Variants in AEBP1 observed in about 807,000 individuals in gnomAD.
AEBP1 encodes the protein adipocyte enhancer-binding protein 1.
Under a neutral mutation model 116.5 loss-of-function variants are expected in AEBP1, and 69 were observed. The ratio of observed to expected loss-of-function variants is 0.59; its 90% CI spans 0.49 to 0.72. AEBP1 has a LOEUF of 0.72. Among genes scored for constraint, AEBP1 ranks in the 30% least tolerant of loss-of-function variants. AEBP1 has a pLI of 0.00. For synonymous variants in AEBP1, 627 were observed against 627.3 expected (o/e 1.00, Z 0.01); for missense variants, 1,444 against 1,557.5 (o/e 0.93, Z 1.23).
intron 1 of AEBP1, chr7:44,106,220 A>T (rs2096222705): frequency 1.9e-6 from 1 of 523,586 alleles, no homozygotes; most frequent in Non-Finnish European, 3.7e-6. Context: ...TGCCCAGAAC[A>T]GAATAGTGGA....
In AEBP1 at chr7:44,112,352, AG is replaced by A; in HGVS notation, c.2217+34del. 1 of 1,520,856 alleles carries A rather than the reference AG, an allele frequency of 6.6e-7. No individual in the cohort carries two copies. The highest frequency in any genetic ancestry group is 8.8e-7 in the Non-Finnish European group (1 of 1,133,844). The allele number at this position is 1,520,856 out of a possible 1,614,324, so 94.2% of individuals were successfully genotyped here. On this transcript the variant is annotated intron_variant, in intron 17 of 20. Transcript: ENST00000223357. The surrounding 1 kb of genome is among the most constrained non-coding windows in gnomAD (Gnocchi z 6.6). Reference sequence around the variant, plus strand: ...GCTACAGCCTGGCTGAAAGGGCAGGAGGGAGCAGCTGGACCCTGGGGTCCTG... The same window carrying A: ...GCTACAGCCTGGCTGAAAGGGCAGGAGGAGCAGCTGGACCCTGGGGTCCTG...
Position 44,112,924 on chromosome 7 carries a change from G to C in AEBP1, c.2569+15G>C, listed in dbSNP as rs767122290. The C allele has an allele frequency of 3.7e-6, 6 of 1,601,730 alleles. No homozygotes were observed. In the South Asian group the frequency reaches 6.6e-5, roughly 18 times the overall value. ...CCGGACCGGGAGTGAGTCAGCCTGG[G>C]AGGGGCTGTGGGCGGGGCCTGGTCC... On this transcript the variant is annotated intron_variant, in intron 18 of 20. Transcript: ENST00000223357. The surrounding 1 kb of genome is among the most constrained non-coding windows in gnomAD (Gnocchi z 6.6).
rs2096229683 is a variant in AEBP1 at position 44,111,790 on chromosome 7, G to A, written c.1841-64G>A. On this transcript the variant is annotated intron_variant, in intron 15 of 20. Transcript: ENST00000223357. This position sits in a 1 kb window ranked among gnomAD's most constrained non-coding sequence, Gnocchi z 4.7. ...ACCCTCGGGTATGAGGTGGGTCTGG[G>A]TCCTTCCTCAGCTGCCCTGGGCCTC... is the stretch of plus-strand genomic sequence containing the variant. 1.9e-6 allele frequency: 3 copies of A among 1,561,942 alleles called. No individual in the cohort carries two copies. The highest frequency in any genetic ancestry group is 2.7e-5 in the African/African-American group (2 of 73,796).
chr7:44,114,519 G>A lies in AEBP1; in HGVS notation c.*258G>A, dbSNP rs1159347286. 4 of 619,232 alleles carry A rather than the reference G, an allele frequency of 6.5e-6. 1 individual carries two copies. The highest frequency in any genetic ancestry group is 5.9e-5 in the Admixed American group (2 of 33,886). The allele number at this position is 619,232 out of a possible 1,614,324, so 38.4% of individuals were successfully genotyped here. On this transcript the variant is annotated 3_prime_UTR_variant, in exon 21 of 21. Transcript: ENST00000223357. ...GCTGCAGTGTTGGAGTAGGGGCAGA[G>A]GGAGGGAGCCAAGGTCACTCCAATA...
chr7:44,110,323 C>T lies in AEBP1; in HGVS notation c.1377C>T (p.Thr459=). Residue 459 remains threonine, a synonymous_variant, in exon 11 of 21, where the codon ACC becomes ACT. Transcript: ENST00000223357. ...RRTTRFTGVI[T]QGRDSSIHDD... ...CTACCCGGTTCACAGGCGTCATCAC[C>T]CAGGGCAGAGACTCCAGCATCCAGT... The T allele has an allele frequency of 6.2e-7, 1 of 1,613,680 alleles. No homozygotes were observed.
At position 44,114,154 on chromosome 7, in the gene AEBP1, G is replaced by A. The variant is rs988846112; in HGVS notation, c.3370G>A (p.Glu1124Lys). 39 of 1,614,096 alleles carry A rather than the reference G, an allele frequency of 2.4e-5. No homozygotes were observed. In the East Asian group the frequency reaches 3.1e-4, roughly 13 times the overall value. Residue 1124 changes from glutamate (E) to lysine (K), a missense_variant, in exon 21 of 21, where the codon GAG becomes AAG. Transcript: ENST00000223357. ...TGAGTTTGAGACCCAGCTGGAACCC[G>A]AGTTTGAGGAAGAGGAGGAGGAGGA... ...EPEFETQLEP[E>K]FEEEEEEEKE...
At chr7:44,109,363 G>C in intron 9 of AEBP1, 22 bp downstream of exon 9, 2 of 1,509,956 alleles carry the variant, frequency 1.3e-6, no homozygotes. Flanking sequence ...GCACAAGGGG[G>C]TGAGGGTGGG....
intron 11 of AEBP1, among the ~76,000 whole-genome samples, 180 bp downstream of exon 11, chr7:44,110,526 G>A (rs781347670): frequency 5.3e-5 from 8 of 152,244 alleles, no homozygotes; most frequent in Non-Finnish European, 1.2e-4. Flanking sequence ...CAGCCCCTGT[G>A]TCCTGATAGC....
Position 44,113,757 on chromosome 7 carries a change from G to T in AEBP1, c.2973G>T (p.Arg991=), listed in dbSNP as rs371157380. ...ILARSNWKRI[R]EIMAMNGNRP... ...CTCGCTCCAACTGGAAGCGCATCCG[G>T]GAGATCATGGCCATGAACGGGAACC... is the stretch of plus-strand genomic sequence containing the variant. Residue 991 remains arginine, a synonymous_variant, in exon 21 of 21, where the codon CGG becomes CGT. Coordinates refer to ENST00000223357, the MANE Select transcript of AEBP1 (RefSeq NM_001129.5). This position sits in a 1 kb window ranked among gnomAD's most constrained non-coding sequence, Gnocchi z 5.3. 2 of 1,614,098 alleles carry T rather than the reference G, an allele frequency of 1.2e-6. No individual in the cohort carries two copies. Among genetic ancestry groups the T allele is most frequent in the Admixed American group, 3.3e-5 (2 of 60,018 alleles).
Position 44,107,694 on chromosome 7 carries a change from G to A in AEBP1, c.733G>A (p.Glu245Lys), listed in dbSNP as rs201963190. The change falls in exon 4 of 21, where the codon GAG (glutamate) becomes AAG (lysine). Residue 245 changes from glutamate (E) to lysine (K), a missense_variant. By Grantham distance (56) the Glu-to-Lys change is moderately conservative. Coordinates refer to ENST00000223357, the MANE Select transcript of AEBP1 (RefSeq NM_001129.5). This position sits in a 1 kb window ranked among gnomAD's most constrained non-coding sequence, Gnocchi z 4.3. ...TGACCAGATCGAGAGGGAGGACTATGAGGACTGTGAGTAGGGTCCTGCCAG... is the reference window on the plus strand; with the variant it reads ...TGACCAGATCGAGAGGGAGGACTATAAGGACTGTGAGTAGGGTCCTGCCAG... ...YNDQIEREDY[E>K]DFEYIRRQKQ... The A allele has an allele frequency of 5.0e-5, 81 of 1,613,566 alleles. 1 individual carries two copies. The East Asian group carries it at 1.7e-3, about 34-fold the overall frequency.
At chr7:44,105,842 G>C (rs1211772167) in intron 1 of AEBP1, among the ~76,000 whole-genome samples, 1 of 151,724 alleles carries the variant, frequency 6.6e-6, no homozygotes, top group Non-Finnish European at 1.5e-5. Context: ...TCCTGCTTAG[G>C]GTCCTGGGAG....
chr7:44,107,637 G>A lies in AEBP1; in HGVS notation c.676G>A (p.Glu226Lys). ...EAREHQPEPE[E>K]ETEQPTLDYN... The stretch of plus-strand genomic sequence containing the variant: ...CAGCGCTTTCCCCTCAGAGCCGGAG[G>A]AGGAGACCGAGCAACCCACACTGGA... Residue 226 changes from glutamate (E) to lysine (K), a missense_variant, in exon 4 of 21, where the codon GAG (glutamate) becomes AAG (lysine). Coordinates refer to ENST00000223357, the MANE Select transcript of AEBP1 (RefSeq NM_001129.5). This position sits in a 1 kb window ranked among gnomAD's most constrained non-coding sequence, Gnocchi z 4.3. The A allele has an allele frequency of 2.5e-6, 4 of 1,613,690 alleles. No individual in the cohort carries two copies. The highest frequency in any genetic ancestry group is 3.4e-6 in the Non-Finnish European group (4 of 1,179,974).
rs748511270 is a variant in AEBP1 at position 44,113,077 on chromosome 7, C to T, written c.2656C>T (p.Leu886=). Residue 886 remains leucine, a synonymous_variant, in exon 19 of 21, where the codon CTG becomes TTG. Transcript: ENST00000223357. The surrounding 1 kb of genome is among the most constrained non-coding windows in gnomAD (Gnocchi z 5.3). ...GCDKFPHESE[L]PREWENNKEA... Reference sequence around the variant, plus strand: ...TGACAAGTTCCCTCATGAGAGTGAGCTGCCCCGCGAGTGGGAGAACAACAA... The same window carrying T: ...TGACAAGTTCCCTCATGAGAGTGAGTTGCCCCGCGAGTGGGAGAACAACAA... 1.1e-5 allele frequency: 17 copies of T among 1,614,118 alleles called. No individual in the cohort carries two copies. The South Asian group carries it at 1.6e-4, about 16-fold the overall frequency.
Position 44,113,643 on chromosome 7 carries a change from GACAGCCCACGCGGAGGGCT to G in AEBP1, c.2863_2881del (p.Ala955ProfsTer36). ...TCTTGAACCCGGGTGAGTACCGCGT[GACAGCCCACGCGGAGGGCT>G]ACACCCCGAGCGCCAAGACCTGCAA... On this transcript the variant is annotated frameshift_variant, in exon 21 of 21. Transcript: ENST00000223357. LOFTEE classifies it low-confidence loss of function (END_TRUNC). The surrounding 1 kb of genome is among the most constrained non-coding windows in gnomAD (Gnocchi z 5.3). 6.2e-7 allele frequency: 1 copy of G among 1,613,646 alleles called. No individual in the cohort carries two copies. The highest frequency in any genetic ancestry group is 8.5e-7 in the Non-Finnish European group (1 of 1,179,946).
chr7:44,110,492 TC>T (rs2096228049), intron 11 of AEBP1, 146 bp downstream of exon 11: 1 of 1,258,256 alleles, frequency 7.9e-7, no homozygotes. Context: ...ACCCTGCCCA[TC>T]CCCACTCCTC....
At chr7:44,106,201 C>T in intron 1 of AEBP1, 2 of 500,922 alleles carry the variant, frequency 4.0e-6, no homozygotes, top group South Asian at 1.5e-5. Context: ...CACCTCTCTG[C>T]CCCTTCTGTG....
rs2096229671 is a variant in AEBP1 at position 44,111,776 on chromosome 7, T to C, written c.1841-78T>C. 5 of 1,536,660 alleles carry C rather than the reference T, an allele frequency of 3.3e-6. No homozygotes were observed. The highest frequency in any genetic ancestry group is 1.8e-4 in the Middle Eastern group (1 of 5,698). On this transcript the variant is annotated intron_variant, in intron 15 of 20. Coordinates refer to ENST00000223357, the MANE Select transcript of AEBP1 (RefSeq NM_001129.5). The surrounding 1 kb of genome is among the most constrained non-coding windows in gnomAD (Gnocchi z 4.7). ...CAGCTGTCCCCCAGACCCTCGGGTA[T>C]GAGGTGGGTCTGGGTCCTTCCTCAG...
Position 44,113,604 on chromosome 7 carries a change from T to G in AEBP1, c.2820T>G (p.Gly940=). 6.2e-7 allele frequency: 1 copy of G among 1,610,978 alleles called. No homozygotes were observed. The highest frequency in any genetic ancestry group is 8.5e-7 in the Non-Finnish European group (1 of 1,179,340). Residue 940 remains glycine, a synonymous_variant, in exon 21 of 21, where the codon GGT becomes GGG. Transcript: ENST00000223357. The surrounding 1 kb of genome is among the most constrained non-coding windows in gnomAD (Gnocchi z 5.3). ...INHGVKTASG[G]DYWRILNPGE... ...GTTCTCCCTCCGCAGCCAGTGGTGGTGATTACTGGCGAATCTTGAACCCGG... is the reference window on the plus strand; with the variant it reads ...GTTCTCCCTCCGCAGCCAGTGGTGGGGATTACTGGCGAATCTTGAACCCGG...
chr7:44,112,240 TGAG>T lies in AEBP1; in HGVS notation c.2140_2142del (p.Glu714del), dbSNP rs762438630. On this transcript the variant is annotated inframe_deletion, in exon 17 of 21. Coordinates refer to ENST00000223357, the MANE Select transcript of AEBP1 (RefSeq NM_001129.5). This position sits in a 1 kb window ranked among gnomAD's most constrained non-coding sequence, Gnocchi z 6.6. The stretch of plus-strand genomic sequence containing the variant: ...ATCTCAACTCTGTGCTCTGGGGAGC[TGAG>T]GAGAGGAAATGGGTCCCCTACCGGG... The T allele has an allele frequency of 1.2e-6, 2 of 1,607,092 alleles. No homozygotes were observed. Among genetic ancestry groups the T allele is most frequent in the Non-Finnish European group, 1.7e-6 (2 of 1,174,718 alleles).
Sources: gnomAD v4.1 joint callset for allele counts (sites outside exome capture counted in the v4.1 genomes callset) on GRCh38, gnomAD v4.1.1 for gene constraint, Gnocchi (gnomAD v3.1) non-coding constraint, MANE v1.5 for transcripts, NCBI Gene and HGNC (gene_info 2026-07-23, HGNC 2026-07-21) for gene names.